The following FAM185A variants were observed in gnomAD, a reference collection of about 807,000 sequenced individuals.
FAM185A encodes the protein protein FAM185A.
A neutral mutation model predicts 45.7 loss-of-function variants in FAM185A; 21 were observed. The ratio of observed to expected loss-of-function variants is 0.46; its 90% confidence interval spans 0.33 to 0.66. The LOEUF (loss-of-function observed/expected upper bound fraction) is 0.66, where lower values mean the gene tolerates loss of function less well. FAM185A is among the 30% of genes least tolerant of loss of function. The pLI is 0.03. For missense variants in FAM185A, 305 were observed against 485.4 expected, an observed-to-expected ratio of 0.63 and a Z score of 3.49; for synonymous variants, 117 against 194.0, an observed-to-expected ratio of 0.60 and a Z score of 3.30.
intron 7 of FAM185A, among the ~76,000 whole-genome samples, chr7:102,794,742 A>G (rs1796346357): frequency 6.6e-6 from 1 of 152,274 alleles, no homozygotes; most frequent in African/African-American, 2.4e-5. Context: ...TAATAGCCAA[A>G]AAACTGGAAA....
At chr7:102,843,918 A>G in the FAM185A span, among the ~76,000 whole-genome samples, 1 of 152,248 alleles carries the variant, frequency 6.6e-6, no homozygotes, top group East Asian at 1.9e-4. Flanking sequence ...TTTATACTCC[A>G]TAAGCCGAAG....
intron 7 of FAM185A, among the ~76,000 whole-genome samples, chr7:102,795,978 G>C (rs558042606): frequency 6.6e-6 from 1 of 152,274 alleles, no homozygotes; most frequent in East Asian, 1.9e-4. Flanking sequence ...CCTAGAAAGA[G>C]CCAACTTATC....
At chr7:102,835,269 G>A in the FAM185A span, among the ~76,000 whole-genome samples, 2 of 152,116 alleles carry the variant, frequency 1.3e-5, no homozygotes, top group African/African-American at 2.4e-5. Flanking sequence ...AATTAGAAGG[G>A]GCAGCTTGTC....
chr7:102,779,231 CAAG>C (rs1409276622), intron 6 of FAM185A, among the ~76,000 whole-genome samples: 1 of 152,174 alleles, frequency 6.6e-6, no homozygotes, highest in Non-Finnish European at 1.5e-5. Flanking sequence ...AAGAACACAA[CAAG>C]AGCCCTCCTT....
chr7:102,829,852 A>G, the FAM185A span, among the ~76,000 whole-genome samples: 3 of 152,146 alleles, frequency 2.0e-5, no homozygotes, highest in East Asian at 1.9e-4. Flanking sequence ...CAAAATCAAC[A>G]TAAGTGGAAT....
rs1793176405 is a variant in FAM185A, at chr7:102,749,194, G to A, written c.-14G>A. On this transcript the variant is annotated 5_prime_UTR_variant, in exon 1 of 8. Coordinates refer to ENST00000413034, the MANE Select transcript of FAM185A (RefSeq NM_001145268.2). ...TGGCTGAAGTGTTCTGAGGACTGGCGAGAGAGGCGCGCCATGCTTGCCCCC... is the reference window on the plus strand; with the variant it reads ...TGGCTGAAGTGTTCTGAGGACTGGCAAGAGAGGCGCGCCATGCTTGCCCCC... 1.3e-6 allele frequency: 2 copies of A among 1,551,212 alleles called. No homozygotes were observed. The highest frequency in any genetic ancestry group is 1.7e-6 in the Non-Finnish European group (2 of 1,146,872).
chr7:102,824,277 T>C, the FAM185A span, among the ~76,000 whole-genome samples: 4 of 152,136 alleles, frequency 2.6e-5, no homozygotes, highest in African/African-American at 7.2e-5. Context: ...CTTGAAAAAA[T>C]GTTTTGGTTT....
chr7:102,753,686 T>C (rs1207828705), intron 2 of FAM185A, among the ~76,000 whole-genome samples: 1 of 151,716 alleles, frequency 6.6e-6, no homozygotes, highest in African/African-American at 2.4e-5. Context: ...TTAAAAAACA[T>C]AGTTGGGAAT....
chr7:102,788,079 C>G (rs1409310565), intron 7 of FAM185A, among the ~76,000 whole-genome samples: 1 of 152,102 alleles, frequency 6.6e-6, no homozygotes, highest in Non-Finnish European at 1.5e-5. Flanking sequence ...ATTCTGTTGC[C>G]TCACCCTCCT....
At chr7:102,784,651 C>A (rs1267207681) in intron 6 of FAM185A, among the ~76,000 whole-genome samples, 3 of 152,138 alleles carry the variant, frequency 2.0e-5, no homozygotes, top group Non-Finnish European at 4.4e-5. Context: ...GCTAAAAACT[C>A]TCAATAAATT....
chr7:102,844,137 A>G, the FAM185A span, among the ~76,000 whole-genome samples: 1 of 152,232 alleles, frequency 6.6e-6, no homozygotes, highest in Non-Finnish European at 1.5e-5. Flanking sequence ...TACCCACTGC[A>G]TTCTGGTTTC....
intron 5 of FAM185A, 146 bp downstream of exon 5, chr7:102,772,596 C>T: frequency 4.3e-6 from 2 of 460,928 alleles, no homozygotes; most frequent in South Asian, 4.7e-5. Flanking sequence ...AACCAATGTA[C>T]TAATTATGTC....
the FAM185A span, chr7:102,816,237 A>G: frequency 6.6e-6 from 1 of 152,206 alleles, no homozygotes; most frequent in Admixed American, 6.6e-5. Flanking sequence ...CTCTCCTTCC[A>G]GACTCAAGTT....
intron 4 of FAM185A, among the ~76,000 whole-genome samples, chr7:102,767,771 C>T (rs1794501690): frequency 6.6e-6 from 1 of 151,706 alleles, no homozygotes; most frequent in Admixed American, 6.6e-5. Context: ...TTGAACTCAA[C>T]ATTTCTTGCT....
the FAM185A span, among the ~76,000 whole-genome samples, chr7:102,849,331 A>C: frequency 6.6e-6 from 1 of 152,238 alleles, no homozygotes; most frequent in Non-Finnish European, 1.5e-5. Context: ...AGATCCTAAA[A>C]GTCAATACAT....
the FAM185A span, among the ~76,000 whole-genome samples, chr7:102,848,512 C>T: frequency 2.7e-5 from 1 of 36,908 alleles, no homozygotes; most frequent in Non-Finnish European, 4.0e-5. Context: ...GCCGAGATTG[C>T]GCCACTGCAC....
intron 7 of FAM185A, among the ~76,000 whole-genome samples, chr7:102,790,526 T>C (rs571908881): frequency 6.6e-6 from 1 of 152,390 alleles, no homozygotes; most frequent in Non-Finnish European, 1.5e-5. Context: ...TTTGTTTAAC[T>C]GTGCTCTGAA....
chr7:102,834,090 G>GGAAGGAAGGA, the FAM185A span, among the ~76,000 whole-genome samples: 104 of 70,494 alleles, frequency 1.5e-3, no homozygotes, highest in South Asian at 7.5e-3. Flanking sequence ...GGAAAGAAAA[G>GGAAGGAAGGA]AAAGAAAGAA....
chr7:102,807,125 A>C (rs1048409861), intron 7 of FAM185A, among the ~76,000 whole-genome samples: 1 of 151,976 alleles, frequency 6.6e-6, no homozygotes, highest in Non-Finnish European at 1.5e-5. Context: ...CATTTATATA[A>C]GATTTTAGAA....
Sources: allele counts gnomAD v4.1 joint callset (sites outside exome capture counted in the v4.1 genomes callset), GRCh38; gene constraint gnomAD v4.1.1; transcripts MANE v1.5; gene names NCBI Gene and HGNC (gene_info 2026-07-23, HGNC 2026-07-21).